The following MYBL1 variants were observed in gnomAD, a reference collection of about 807,000 sequenced individuals.
The protein encoded by MYBL1 is MYB proto-oncogene like 1, also known as myb-related protein A.
In MYBL1, 17 loss-of-function variants were observed where a neutral mutation model predicts 96.3. That is an observed-to-expected ratio of 0.18 (90% CI 0.12 to 0.26). The LOEUF (loss-of-function observed/expected upper bound fraction) is 0.26, where lower values mean the gene tolerates loss of function less well. MYBL1 is among the 10% of genes least tolerant of loss of function. The pLI is 1.00. For missense variants in MYBL1, 701 were observed against 882.9 expected, an observed-to-expected ratio of 0.79 and a Z score of 2.61; for synonymous variants, 282 against 292.7, an observed-to-expected ratio of 0.96 and a Z score of 0.37.
chr8:66,602,341 A>T, intron 2 of MYBL1, 77 bp downstream of exon 2: 1 of 997,684 alleles, frequency 1.0e-6, no homozygotes, highest in Non-Finnish European at 1.4e-6. Flanking sequence ...GTGAGCCACC[A>T]CACCTGGCCG....
Position 66,576,090 on chromosome 8 carries a change from G to A in MYBL1, c.1387C>T (p.Leu463Phe). Reference sequence around the variant, plus strand: ...CCATCGTTCAATGAGCCATCCCTAAGTTCGCTGCCTGGGGAATGACCCACT... The same window carrying A: ...CCATCGTTCAATGAGCCATCCCTAAATTCGCTGCCTGGGGAATGACCCACT... ...MRVGHSPGSE[L>F]RDGSLNDGGN... The change falls in exon 10 of 16, where the codon CTT (leucine) becomes TTT (phenylalanine). Residue 463 changes from leucine (L) to phenylalanine (F), a missense_variant. Physicochemically the swap from Leu to Phe is conservative, Grantham distance 22. Around this residue, in one of 5 missense-constraint regions of MYBL1, gnomAD observed 396 missense variants for 407.4 expected, o/e 0.97. Coordinates refer to ENST00000522677, the MANE Select transcript of MYBL1 (RefSeq NM_001080416.4). 1 of 1,613,946 alleles carries A rather than the reference G, an allele frequency of 6.2e-7. No homozygotes were observed. The highest frequency in any genetic ancestry group is 8.5e-7 in the Non-Finnish European group (1 of 1,179,868).
At chr8:66,573,218 C>CAAACA (rs928167030) in intron 11 of MYBL1, 146 bp downstream of exon 11, 39 of 790,986 alleles carry the variant, frequency 4.9e-5, no homozygotes, top group South Asian at 6.6e-5. Context: ...CCATCTCAAA[C>CAAACA]AAACAAAACA....
At chr8:66,594,594 AAGAC>A (rs1463193817) in intron 6 of MYBL1, among the ~76,000 whole-genome samples, 1 of 152,156 alleles carries the variant, frequency 6.6e-6, no homozygotes, top group Non-Finnish European at 1.5e-5. Context: ...TAAACTTTCT[AAGAC>A]AGAAGCAGAA....
chr8:66,577,050 A>G (rs1808983913), intron 9 of MYBL1, among the ~76,000 whole-genome samples: 1 of 152,116 alleles, frequency 6.6e-6, no homozygotes, highest in African/African-American at 2.4e-5. Context: ...AAAACTCTCA[A>G]TAAATTAGGT....
At chr8:66,590,170 T>C (rs555469334) in intron 8 of MYBL1, among the ~76,000 whole-genome samples, 21 of 152,322 alleles carry the variant, frequency 1.4e-4, no homozygotes, top group African/African-American at 4.3e-4. Flanking sequence ...TAATATCCTC[T>C]TAAGTAGTAT....
chr8:66,602,729 ATATATTTTTTTTT>A (rs1179810277), intron 1 of MYBL1, among the ~76,000 whole-genome samples: 2 of 48,474 alleles, frequency 4.1e-5, no homozygotes, highest in African/African-American at 2.4e-4. Context: ...ATATATATAT[ATATATTTTTTTTT>A]TTTTTTTTTT....
intron 1 of MYBL1, among the ~76,000 whole-genome samples, chr8:66,605,769 T>C (rs952436788): frequency 6.6e-6 from 1 of 152,088 alleles, no homozygotes; most frequent in African/African-American, 2.4e-5. Flanking sequence ...TGAGCCGAGA[T>C]TGCACCATTG....
At chr8:66,604,911 T>C (rs1253134386) in intron 1 of MYBL1, among the ~76,000 whole-genome samples, 1 of 151,716 alleles carries the variant, frequency 6.6e-6, no homozygotes, top group Non-Finnish European at 1.5e-5. Flanking sequence ...GAGAAGAAAA[T>C]GGGGAGAGTA....
At chr8:66,591,442 T>C (rs985820330) in intron 8 of MYBL1, among the ~76,000 whole-genome samples, 1 of 152,176 alleles carries the variant, frequency 6.6e-6, no homozygotes. Context: ...CATAACCTGC[T>C]TAATTCTACT....
chr8:66,580,375 A>G lies in MYBL1; in HGVS notation c.868-9T>C. 6.4e-7 allele frequency: 1 copy of G among 1,554,232 alleles called. No homozygotes were observed. Among genetic ancestry groups the G allele is most frequent in the East Asian group, 2.3e-5 (1 of 44,094 alleles). On this transcript the variant is annotated splice_polypyrimidine_tract_variant and intron_variant, in intron 8 of 15. Coordinates refer to ENST00000522677, the MANE Select transcript of MYBL1 (RefSeq NM_001080416.4). Reference sequence around the variant, plus strand: ...GAAAAACTTCCAGGCTGCTAAAGGTACAAAAGAAATTTGAATATTATTTGT... The same window carrying G: ...GAAAAACTTCCAGGCTGCTAAAGGTGCAAAAGAAATTTGAATATTATTTGT...
In MYBL1 at chr8:66,602,541, T is replaced by C; in HGVS notation, c.21-18A>G. 1.3e-6 allele frequency: 2 copies of C among 1,537,414 alleles called. No individual in the cohort carries two copies. The highest frequency in any genetic ancestry group is 1.8e-6 in the Non-Finnish European group (2 of 1,127,696). On this transcript the variant is annotated intron_variant, in intron 1 of 15. Transcript: ENST00000522677. The stretch of plus-strand genomic sequence containing the variant: ...CATCCTCACTACAAAAAAAACACAA[T>C]TTGTGATATCAAGAATTTTATTTAA...
chr8:66,585,496 T>A (rs184310187), intron 8 of MYBL1, among the ~76,000 whole-genome samples: 391 of 152,300 alleles, frequency 2.6e-3, no homozygotes, highest in African/African-American at 8.9e-3. Flanking sequence ...ATCCCAGCAC[T>A]TTGGGAGGCC....
At chr8:66,606,992 C>T (rs1196411089) in intron 1 of MYBL1, among the ~76,000 whole-genome samples, 1 of 152,102 alleles carries the variant, frequency 6.6e-6, no homozygotes, top group Non-Finnish European at 1.5e-5. Flanking sequence ...GGGGTTTCAG[C>T]ATGTTAGCCA....
At chr8:66,593,334 C>G in intron 6 of MYBL1, 140 bp from the exon 7 acceptor site, 1 of 503,344 alleles carries the variant, frequency 2.0e-6, no homozygotes. Context: ...AATGTTATAC[C>G]TATAATACTT....
intron 2 of MYBL1, among the ~76,000 whole-genome samples, 166 bp downstream of exon 2, chr8:66,602,252 T>C (rs1378415702): frequency 6.6e-6 from 1 of 152,110 alleles, no homozygotes; most frequent in Non-Finnish European, 1.5e-5. Flanking sequence ...GGTTTCATCA[T>C]GTTGGCCAGG....
intron 12 of MYBL1, among the ~76,000 whole-genome samples, chr8:66,568,843 G>GGT (rs1243133023): frequency 2.0e-5 from 3 of 151,500 alleles, no homozygotes; most frequent in African/African-American, 7.3e-5. Flanking sequence ...TGGCTAACAT[G>GGT]GTGAAACCCC....
chr8:66,605,166 C>T (rs1810263349), intron 1 of MYBL1, among the ~76,000 whole-genome samples: 1 of 152,096 alleles, frequency 6.6e-6, no homozygotes, highest in South Asian at 2.1e-4. Context: ...AAATGTTTTA[C>T]ATATTTTTTT....
At chr8:66,609,284 A>C (rs1026732551) in intron 1 of MYBL1, among the ~76,000 whole-genome samples, 4 of 152,106 alleles carry the variant, frequency 2.6e-5, no homozygotes, top group Non-Finnish European at 5.9e-5. Context: ...AGGTATTCCA[A>C]GGAGGAAACT....
chr8:66,612,527 T>C lies in MYBL1; in HGVS notation c.20+292A>G, dbSNP rs1313705421. 4 of 383,976 alleles carry C rather than the reference T, an allele frequency of 1.0e-5. No homozygotes were observed. The East Asian group carries it at 1.1e-4, about 11-fold the overall frequency. The allele number at this position is 383,976 out of a possible 1,614,324, so 23.8% of individuals were successfully genotyped here. On this transcript the variant is annotated intron_variant, in intron 1 of 15. Coordinates refer to ENST00000522677, the MANE Select transcript of MYBL1 (RefSeq NM_001080416.4). ...CGCTCGACTTACCTGGCAAGAAACC[T>C]GCCTCGAAGAAGTGGCAGCATGAGG...
Sources: allele counts gnomAD v4.1 joint callset (sites outside exome capture counted in the v4.1 genomes callset), GRCh38; gene constraint gnomAD v4.1.1; regional missense constraint gnomAD v4.1.1; transcripts MANE v1.5; gene names NCBI Gene and HGNC (gene_info 2026-07-23, HGNC 2026-07-21).